Variants in MED20 observed in about 807,000 individuals in gnomAD.
MED20 encodes mediator of RNA polymerase II transcription subunit 20.
In MED20, 19 loss-of-function variants were observed where a neutral mutation model predicts 19.7. That is an observed-to-expected ratio of 0.96 (90% CI 0.67 to 1.42). The LOEUF (loss-of-function observed/expected upper bound fraction) is 1.42, where lower values mean the gene tolerates loss of function less well. Ranked by LOEUF, MED20 falls within the 40% of genes most tolerant of loss-of-function variation. The pLI, the probability that MED20 is intolerant of heterozygous loss-of-function variation, is 0.00. For synonymous variants in MED20, 105 were observed against 104.8 expected (o/e 1.00, Z -0.01); for missense variants, 225 against 273.0 (o/e 0.82, Z 1.24).
At chr6:41,907,779 A>G (rs1357370530) in intron 3 of MED20, among the ~76,000 whole-genome samples, 1 of 152,150 alleles carries the variant, frequency 6.6e-6, no homozygotes, top group Admixed American at 6.6e-5. Flanking sequence ...AATTTCCCAA[A>G]TAGTGTGTCA....
intron 3 of MED20, among the ~76,000 whole-genome samples, chr6:41,908,011 C>G (rs1003613288): frequency 6.6e-6 from 1 of 152,178 alleles, no homozygotes; most frequent in Non-Finnish European, 1.5e-5. Flanking sequence ...GGTTAGAAGT[C>G]TTGGTCCTAG....
At chr6:41,914,880 T>C (rs1775276996) in intron 2 of MED20, among the ~76,000 whole-genome samples, 1 of 152,138 alleles carries the variant, frequency 6.6e-6, no homozygotes, top group Non-Finnish European at 1.5e-5. Context: ...AAACACAAAC[T>C]TCTAGAAACC....
chr6:41,908,090 C>T (rs979678493), intron 3 of MED20, among the ~76,000 whole-genome samples: 2 of 152,176 alleles, frequency 1.3e-5, no homozygotes, highest in Admixed American at 6.5e-5. Flanking sequence ...ACTTATCTAT[C>T]CCCATGTCTC....
intron 3 of MED20, among the ~76,000 whole-genome samples, chr6:41,908,724 T>C (rs568340315): frequency 6.6e-6 from 1 of 152,280 alleles, no homozygotes; most frequent in African/African-American, 2.4e-5. Flanking sequence ...CAAGCCACCC[T>C]TCCTAATGAA....
chr6:41,916,823 TCA>T lies in MED20; in HGVS notation c.129_130del (p.Cys43Ter). ...GGTAGAGGCGGCCGTATGGTAAGTC[TCA>T]CAGTCCACACAAAATGTTCCTTGCT... On this transcript the variant is annotated stop_gained and frameshift_variant, in exon 2 of 4. Coordinates refer to ENST00000265350, the MANE Select transcript of MED20 (RefSeq NM_004275.5). LOFTEE classifies it high-confidence loss of function. 1.9e-6 allele frequency: 3 copies of T among 1,614,086 alleles called. No homozygotes were observed. Among genetic ancestry groups the T allele is most frequent in the Non-Finnish European group, 2.5e-6 (3 of 1,180,004 alleles).
Position 41,907,119 on chromosome 6 carries a change from T to C in MED20, c.592A>G (p.Asn198Asp). 3 of 1,613,974 alleles carry C rather than the reference T, an allele frequency of 1.9e-6. No individual in the cohort carries two copies. Among genetic ancestry groups the C allele is most frequent in the Non-Finnish European group, 2.5e-6 (3 of 1,180,006 alleles). Reference protein sequence around the residue: ...DTMVQYMELFNKIRKQQQVPV... With the variant: ...DTMVQYMELFDKIRKQQQVPV... Reference sequence around the variant, plus strand: ...ACCTGCTGCTGCTTGCGGATCTTGTTGAAGAGTTCCATGTACTGGACCATG... The same window carrying C: ...ACCTGCTGCTGCTTGCGGATCTTGTCGAAGAGTTCCATGTACTGGACCATG... Residue 198 changes from asparagine (N) to aspartate (D), a missense_variant, in exon 4 of 4, where the codon AAC (asparagine) becomes GAC (aspartate). Coordinates refer to ENST00000265350, the MANE Select transcript of MED20 (RefSeq NM_004275.5).
chr6:41,910,741 T>C (rs1466066699), intron 2 of MED20, among the ~76,000 whole-genome samples: 4 of 151,784 alleles, frequency 2.6e-5, no homozygotes, highest in African/African-American at 9.7e-5. Context: ...TTATTACATA[T>C]ATAAGCCATT....
chr6:41,920,757 G>A (rs1325585394), intron 1 of MED20: 3 of 434,858 alleles, frequency 6.9e-6, no homozygotes, highest in Non-Finnish European at 1.2e-5. Flanking sequence ...GCGACAGAGC[G>A]AGACCCCGTC....
chr6:41,918,051 G>A (rs1181294691), intron 1 of MED20: 9 of 270,460 alleles, frequency 3.3e-5, no homozygotes, highest in Non-Finnish European at 6.9e-5. Flanking sequence ...TTCCTCCTAT[G>A]GTGAGTGAAC....
chr6:41,911,154 C>CTTT (rs544752819), intron 2 of MED20, among the ~76,000 whole-genome samples: 1 of 140,462 alleles, frequency 7.1e-6, no homozygotes, highest in South Asian at 2.3e-4. Context: ...AGGCTAAAAA[C>CTTT]TTTTTTTTTT....
chr6:41,914,202 C>G (rs993391247), intron 2 of MED20, among the ~76,000 whole-genome samples: 1 of 152,102 alleles, frequency 6.6e-6, no homozygotes, highest in Non-Finnish European at 1.5e-5. Context: ...GTGCTGTTGT[C>G]GGAGGCAGGA....
intron 2 of MED20, among the ~76,000 whole-genome samples, chr6:41,912,056 T>C (rs974917570): frequency 1.3e-4 from 20 of 151,206 alleles, no homozygotes; most frequent in Non-Finnish European, 2.7e-4. Context: ...TTTTCTTCTT[T>C]TTTTTTTTTT....
At position 41,912,246 on chromosome 6, in the gene MED20, G is replaced by A. The variant is rs913195362; in HGVS notation, c.170-2724C>T. On this transcript the variant is annotated intron_variant, in intron 2 of 3. Transcript: ENST00000265350. ...TGTAAAGATGAGGTCTTACCATCTT[G>A]CCTAGGCTGGTCTCAAACTCCTAGG... Among the ~76,000 whole-genome samples the A allele has an allele frequency of 3.4e-5, 4 of 116,046 alleles. No homozygotes were observed. In the Admixed American group the frequency reaches 3.7e-4, roughly 11 times the overall value. The allele number at this position is 116,046 out of a possible 152,430, so 76.1% of individuals were successfully genotyped here. A position where few individuals can be genotyped will look rare whatever the true frequency, so the allele number is the denominator to read the frequency against.
chr6:41,919,987 G>A (rs1043032588), intron 1 of MED20, among the ~76,000 whole-genome samples: 7 of 152,076 alleles, frequency 4.6e-5, no homozygotes, highest in African/African-American at 1.7e-4. Flanking sequence ...ATATCCACTG[G>A]CTTCAAATAT....
At position 41,907,090 on chromosome 6, in the gene MED20, C is replaced by T. The variant is rs200052512; in HGVS notation, c.621G>A (p.Pro207=). The T allele has an allele frequency of 4.1e-5, 66 of 1,613,648 alleles. No homozygotes were observed. Among genetic ancestry groups the T allele is most frequent in the East Asian group, 1.6e-4 (7 of 44,862 alleles). The change falls in exon 4 of 4, where the codon CCG becomes CCA. Residue 207 remains proline, a synonymous_variant. Transcript: ENST00000265350. ...CTCATCACTAACGAATCCCAGCCAC[C>T]GGCACCTGCTGCTGCTTGCGGATCT... ...FNKIRKQQQV[P]VAGIR is the part of the protein sequence containing the mutation.
At chr6:41,912,184 G>A (rs1243354995) in intron 2 of MED20, among the ~76,000 whole-genome samples, 1 of 148,904 alleles carries the variant, frequency 6.7e-6, no homozygotes, top group East Asian at 2.0e-4. Flanking sequence ...ATGTAGCTGG[G>A]ACCACCATGC....
At chr6:41,920,096 G>A (rs1775421196) in intron 1 of MED20, among the ~76,000 whole-genome samples, 1 of 152,090 alleles carries the variant, frequency 6.6e-6, no homozygotes. Flanking sequence ...ACGCCTCCAC[G>A]AGCACTGGAC....
chr6:41,915,803 T>C (rs375575605), intron 2 of MED20, among the ~76,000 whole-genome samples: 901 of 45,132 alleles, frequency 0.02, 6 homozygotes, highest in African/African-American at 0.1. Flanking sequence ...CACACACACA[T>C]AAATACTCAC....
chr6:41,916,258 T>TAAATAAAATA (rs58508326), intron 2 of MED20, among the ~76,000 whole-genome samples: 2,452 of 148,312 alleles, frequency 0.017, 54 homozygotes, highest in African/African-American at 0.05. Context: ...CTCAAAAAAA[T>TAAATAAAATA]AAATAAAATA....
Sources: allele counts gnomAD v4.1 joint callset (sites outside exome capture counted in the v4.1 genomes callset), GRCh38; gene constraint gnomAD v4.1.1; transcripts MANE v1.5; gene names NCBI Gene and HGNC (gene_info 2026-07-23, HGNC 2026-07-21).